IQCJ: variants seen among roughly 807,000 people sequenced by gnomAD.
IQCJ encodes IQ motif containing J.
In IQCJ, 9 loss-of-function variants were observed where a neutral mutation model predicts 11.0. That is an observed-to-expected ratio of 0.82 (90% CI 0.49 to 1.43). IQCJ has a LOEUF of 1.43. Ranked by LOEUF, IQCJ falls within the 40% of genes most tolerant of loss-of-function variation. The probability of loss-of-function intolerance (pLI) is 0.00; values close to 1 mark genes in which losing one functional copy is unlikely to be tolerated. For missense variants in IQCJ, 146 were observed against 133.2 expected (o/e 1.10, Z -0.47); for synonymous variants, 55 against 51.3 (o/e 1.07, Z -0.31).
intron 1 of IQCJ, among the ~76,000 whole-genome samples, chr3:159,167,684 C>A (rs1232832241): frequency 1.3e-5 from 2 of 152,190 alleles, no homozygotes; most frequent in African/African-American, 4.8e-5. Context: ...GGATGAGTTT[C>A]TACCAGGTTA....
chr3:159,210,480 T>C (rs1724893419), intron 1 of IQCJ, among the ~76,000 whole-genome samples: 1 of 152,146 alleles, frequency 6.6e-6, no homozygotes, highest in African/African-American at 2.4e-5. Flanking sequence ...AAGTGTGTAA[T>C]GGTAAGGAAT....
chr3:159,236,857 G>A (rs2122147), intron 1 of IQCJ, among the ~76,000 whole-genome samples: 22,031 of 152,100 alleles, frequency 0.14, 1,818 homozygotes, highest in Middle Eastern at 0.21. Flanking sequence ...ATTAAAAAAC[G>A]GATGGAGGGG....
At chr3:159,145,246 G>A (rs1005814408) in intron 1 of IQCJ, among the ~76,000 whole-genome samples, 1 of 152,322 alleles carries the variant, frequency 6.6e-6, no homozygotes, top group Non-Finnish European at 1.5e-5. Flanking sequence ...ATGAGGGAGA[G>A]AAAAGAGTGT....
intron 1 of IQCJ, among the ~76,000 whole-genome samples, chr3:159,116,659 TATATATATATAC>T (rs1414327917): frequency 0.016 from 481 of 30,628 alleles, 29 homozygotes; most frequent in East Asian, 0.03. Context: ...TATATATATA[TATATATATATAC>T]ACCCTTCATC....
In IQCJ at chr3:159,078,412, A is replaced by G. The variant is rs144679402; in HGVS notation, c.9+8971A>G. ...ACACATTGTCTTATTTGATACTCAC[A>G]AACAAGGTATTTAGGACAAGAATAA... On this transcript the variant is annotated intron_variant, in intron 1 of 3. Coordinates refer to ENST00000397832, the MANE Select transcript of IQCJ (RefSeq NM_001042706.3). 5.4e-3 allele frequency among the ~76,000 whole-genome samples: 820 copies of G among 152,224 alleles called. 3 individuals are homozygous for G. Among genetic ancestry groups the G allele is most frequent in the Non-Finnish European group, 8.0e-3 (546 of 68,004 alleles).
intron 1 of IQCJ, among the ~76,000 whole-genome samples, chr3:159,240,252 C>T (rs568286328): frequency 6.6e-6 from 1 of 152,176 alleles, no homozygotes; most frequent in South Asian, 2.1e-4. Context: ...ATATTTCTAC[C>T]TATTATAATT....
chr3:159,250,238 TATAAATAATACCCCCAA>T (rs1727517041), intron 2 of IQCJ, among the ~76,000 whole-genome samples: 1 of 152,178 alleles, frequency 6.6e-6, no homozygotes, highest in African/African-American at 2.4e-5. Context: ...GGTGAGGATA[TATAAATAATACCCCCAA>T]ATTAGCAAAC....
chr3:159,245,828 T>C lies in IQCJ; in HGVS notation c.10-15T>C. The C allele has an allele frequency of 1.3e-6, 2 of 1,538,864 alleles. No homozygotes were observed. The highest frequency in any genetic ancestry group is 1.8e-6 in the Non-Finnish European group (2 of 1,136,428). On this transcript the variant is annotated splice_polypyrimidine_tract_variant and intron_variant, in intron 1 of 3. Coordinates refer to ENST00000397832, the MANE Select transcript of IQCJ (RefSeq NM_001042706.3). ...CTGGTGACAATTTGTAAGATATATCTTCTCTTTTTCACAGGAAGAACTGAA... is the reference window on the plus strand; with the variant it reads ...CTGGTGACAATTTGTAAGATATATCCTCTCTTTTTCACAGGAAGAACTGAA...
At chr3:159,164,457 G>A (rs908509431) in intron 1 of IQCJ, among the ~76,000 whole-genome samples, 1 of 152,160 alleles carries the variant, frequency 6.6e-6, no homozygotes, top group Non-Finnish European at 1.5e-5. Flanking sequence ...TATTGTGTAA[G>A]CCTACTATAA....
chr3:159,084,765 A>G (rs183761402), intron 1 of IQCJ, among the ~76,000 whole-genome samples: 18 of 152,228 alleles, frequency 1.2e-4, no homozygotes, highest in Admixed American at 2.6e-4. Flanking sequence ...GGCAGAAACT[A>G]GAAAAACTCA....
chr3:159,195,655 C>T (rs534313885), intron 1 of IQCJ, among the ~76,000 whole-genome samples: 24 of 152,304 alleles, frequency 1.6e-4, no homozygotes, highest in African/African-American at 5.1e-4. Context: ...GGTATCCTTA[C>T]GATTAAGTAC....
intron 3 of IQCJ, among the ~76,000 whole-genome samples, chr3:159,261,762 TC>T (rs1366636615): frequency 6.6e-6 from 1 of 152,248 alleles, no homozygotes; most frequent in Non-Finnish European, 1.5e-5. Context: ...GTTTCCGTTA[TC>T]CTGAGCAGAA....
At chr3:159,221,655 C>G (rs569798791) in intron 1 of IQCJ, among the ~76,000 whole-genome samples, 7 of 152,154 alleles carry the variant, frequency 4.6e-5, no homozygotes, top group African/African-American at 1.7e-4. Flanking sequence ...CCCTCTTGGT[C>G]CAAATTCTTC....
chr3:159,195,211 C>G (rs1291082398), intron 1 of IQCJ, among the ~76,000 whole-genome samples: 1 of 152,168 alleles, frequency 6.6e-6, no homozygotes, highest in Non-Finnish European at 1.5e-5. Flanking sequence ...CCCTGAGGAT[C>G]CAGTCCTACA....
chr3:159,093,065 T>G (rs1717451912), intron 1 of IQCJ, among the ~76,000 whole-genome samples: 1 of 151,828 alleles, frequency 6.6e-6, no homozygotes, highest in African/African-American at 2.4e-5. Context: ...ACTCCCATTT[T>G]TATCTGCTTT....
At chr3:159,082,726 C>T (rs1233213115) in intron 1 of IQCJ, among the ~76,000 whole-genome samples, 3 of 151,908 alleles carry the variant, frequency 2.0e-5, no homozygotes, top group African/African-American at 7.3e-5. Flanking sequence ...GAGTCAATAC[C>T]CATCTAAGTT....
At chr3:159,141,038 A>T (rs188790248) in intron 1 of IQCJ, among the ~76,000 whole-genome samples, 4 of 152,344 alleles carry the variant, frequency 2.6e-5, no homozygotes, top group African/African-American at 7.2e-5. Flanking sequence ...TGAAAGAGTA[A>T]ACAGGACCCT....
intron 3 of IQCJ, among the ~76,000 whole-genome samples, chr3:159,255,426 A>C (rs1029152944): frequency 6.6e-6 from 1 of 152,218 alleles, no homozygotes; most frequent in Non-Finnish European, 1.5e-5. Context: ...GACTGCCTTC[A>C]CTGTCTACCT....
At chr3:159,229,123 TA>T (rs1357021955) in intron 1 of IQCJ, among the ~76,000 whole-genome samples, 34 of 152,214 alleles carry the variant, frequency 2.2e-4, no homozygotes, top group Non-Finnish European at 1.5e-5. Flanking sequence ...TCTCTGACAA[TA>T]AATGCCATTT....
Sources: allele counts gnomAD v4.1 joint callset (sites outside exome capture counted in the v4.1 genomes callset), GRCh38; gene constraint gnomAD v4.1.1; transcripts MANE v1.5; gene names NCBI Gene and HGNC (gene_info 2026-07-23, HGNC 2026-07-21).